IMPG1: variants seen among roughly 807,000 people sequenced by gnomAD.
IMPG1 encodes interphotoreceptor matrix proteoglycan of 150 kDa.
IMPG1 carries 85 observed loss-of-function variants against 92.0 expected under a neutral mutation model. The ratio of observed to expected loss-of-function variants is 0.92; its 90% CI spans 0.78 to 1.11. IMPG1 has a LOEUF of 1.11. Among genes scored for constraint, IMPG1 ranks in the 50% least tolerant of loss-of-function variants. The pLI is 0.00. For missense variants in IMPG1, 1,022 were observed against 956.0 expected, an observed-to-expected ratio of 1.07 and a Z score of -0.91; for synonymous variants, 367 against 334.1, an observed-to-expected ratio of 1.10 and a Z score of -1.08.
At chr6:76,071,249 G>A (rs1036690513) in intron 1 of IMPG1, among the ~76,000 whole-genome samples, 7 of 149,310 alleles carry the variant, frequency 4.7e-5, no homozygotes, top group Admixed American at 6.7e-5. Context: ...AGAAAAAATC[G>A]TTAAATTAAC....
chr6:76,024,616 A>T (rs893620717), intron 5 of IMPG1, among the ~76,000 whole-genome samples: 3 of 151,980 alleles, frequency 2.0e-5, no homozygotes, highest in African/African-American at 7.2e-5. Context: ...AAAATTTGGC[A>T]AAATTTATTA....
At chr6:76,023,410 A>C (rs78164725) in intron 5 of IMPG1, among the ~76,000 whole-genome samples, 1 of 152,250 alleles carries the variant, frequency 6.6e-6, no homozygotes, top group African/African-American at 2.4e-5. Context: ...CTAGAAGAAC[A>C]AATTTTTATT....
intron 15 of IMPG1, among the ~76,000 whole-genome samples, chr6:75,929,880 A>C (rs1226024898): frequency 6.6e-6 from 1 of 152,130 alleles, no homozygotes; most frequent in Non-Finnish European, 1.5e-5. Context: ...GTTGTCACAC[A>C]CAGGACCATT....
In IMPG1 at chr6:76,041,973, A is replaced by G. The variant is rs1476819267; in HGVS notation, c.221T>C (p.Phe74Ser). ...AKHRTKRSAF[F>S]PTGVKVCPQE... ...TGGACAGACTTTAACCCCCGTTGGG[A>G]AAAATGCGGATCTTTTTGTTCGATG... is the stretch of plus-strand genomic sequence containing the variant. The change falls in exon 2 of 17, where the codon TTC (phenylalanine) becomes TCC (serine). Residue 74 changes from phenylalanine to serine, a missense_variant. Physicochemically the swap from Phe to Ser is radical, Grantham distance 155. Coordinates refer to ENST00000369950, the MANE Select transcript of IMPG1 (RefSeq NM_001563.4). The G allele has an allele frequency of 9.3e-6, 15 of 1,613,932 alleles. No individual in the cohort carries two copies. Among genetic ancestry groups the G allele is most frequent in the Non-Finnish European group, 1.3e-5 (15 of 1,179,846 alleles).
chr6:76,009,527 TA>T (rs1783149966), intron 8 of IMPG1, among the ~76,000 whole-genome samples: 2 of 152,344 alleles, frequency 1.3e-5, no homozygotes, highest in South Asian at 2.1e-4. Context: ...TATTAATGGT[TA>T]CAATTTTGCC....
chr6:75,969,496 C>T (rs781090034), intron 12 of IMPG1, among the ~76,000 whole-genome samples: 1 of 152,084 alleles, frequency 6.6e-6, no homozygotes, highest in African/African-American at 2.4e-5. Context: ...AATCCTAGCA[C>T]TTTGAGAGGC....
chr6:76,041,137 T>C (rs535493567), intron 2 of IMPG1, among the ~76,000 whole-genome samples: 2 of 152,314 alleles, frequency 1.3e-5, no homozygotes, highest in South Asian at 2.1e-4. Context: ...TACCAAAGAT[T>C]TGTTTTTTTT....
chr6:75,979,437 A>G (rs1266135964), intron 12 of IMPG1, among the ~76,000 whole-genome samples: 2 of 152,208 alleles, frequency 1.3e-5, no homozygotes, highest in Non-Finnish European at 2.9e-5. Context: ...GTTGCACAGG[A>G]CAATGGCCCT....
chr6:75,973,299 C>G (rs994954408), intron 12 of IMPG1, among the ~76,000 whole-genome samples: 4 of 130,702 alleles, frequency 3.1e-5, no homozygotes, highest in Non-Finnish European at 5.0e-5. Context: ...CTTTCCCCCC[C>G]GCCCAAAACT....
chr6:75,972,025 G>A (rs1002839135), intron 12 of IMPG1, among the ~76,000 whole-genome samples: 3 of 152,094 alleles, frequency 2.0e-5, no homozygotes, highest in African/African-American at 7.2e-5. Flanking sequence ...TTGCATGACA[G>A]CTGTAATTTT....
Position 76,062,413 on chromosome 6 carries a change from A to G in IMPG1, c.67+10009T>C, listed in dbSNP as rs138614482. On this transcript the variant is annotated intron_variant, in intron 1 of 16. Transcript: ENST00000369950. ...AATTAGATGGCAATGTAGAACATTT[A>G]TATGACATAATAAAACTACAAAAAG... Among the ~76,000 whole-genome samples the G allele has an allele frequency of 2.9e-3, 447 of 152,346 alleles. 2 individuals carry two copies. Among genetic ancestry groups the G allele is most frequent in the Non-Finnish European group, 2.8e-3 (191 of 68,024 alleles).
chr6:75,988,569 A>G (rs916770185), intron 12 of IMPG1, among the ~76,000 whole-genome samples: 1 of 152,200 alleles, frequency 6.6e-6, no homozygotes, highest in Non-Finnish European at 1.5e-5. Flanking sequence ...CACTGAAAAT[A>G]TTCAGCCCCT....
intron 7 of IMPG1, among the ~76,000 whole-genome samples, chr6:76,018,047 C>A (rs1334924491): frequency 6.6e-6 from 1 of 152,274 alleles, no homozygotes; most frequent in South Asian, 2.1e-4. Context: ...TTGGCAAAAC[C>A]TACTAATTTT....
intron 12 of IMPG1, among the ~76,000 whole-genome samples, chr6:75,987,775 G>A (rs1033489063): frequency 6.6e-6 from 1 of 151,692 alleles, no homozygotes; most frequent in Non-Finnish European, 1.5e-5. Flanking sequence ...CTCCCGAGTA[G>A]CCGGGACTGC....
chr6:75,930,415 T>A (rs1296703886), intron 15 of IMPG1, among the ~76,000 whole-genome samples: 1 of 152,216 alleles, frequency 6.6e-6, no homozygotes, highest in Non-Finnish European at 1.5e-5. Context: ...TAACTGTTAA[T>A]GTGTGGAATT....
intron 15 of IMPG1, among the ~76,000 whole-genome samples, chr6:75,930,325 T>C (rs1427204978): frequency 6.6e-6 from 1 of 152,192 alleles, no homozygotes. Flanking sequence ...AAGAGGACTA[T>C]AAAACGAGAA....
intron 1 of IMPG1, among the ~76,000 whole-genome samples, chr6:76,064,370 C>CTT (rs10706748): frequency 1.5e-5 from 2 of 130,518 alleles, no homozygotes; most frequent in African/African-American, 5.7e-5. Flanking sequence ...ATTTTTTTTT[C>CTT]TTTTTTTTTT....
chr6:76,015,420 C>G (rs891597270), intron 7 of IMPG1, among the ~76,000 whole-genome samples: 2 of 152,144 alleles, frequency 1.3e-5, no homozygotes, highest in Admixed American at 1.3e-4. Flanking sequence ...CAAATGGAAC[C>G]AGCAGCACTG....
At chr6:76,003,411 T>C (rs1450581663) in intron 11 of IMPG1, among the ~76,000 whole-genome samples, 1 of 152,234 alleles carries the variant, frequency 6.6e-6, no homozygotes, top group Non-Finnish European at 1.5e-5. Context: ...ACTGAATTTA[T>C]TATTTACTTT....
Sources: allele counts gnomAD v4.1 joint callset (sites outside exome capture counted in the v4.1 genomes callset), GRCh38; gene constraint gnomAD v4.1.1; transcripts MANE v1.5; gene names NCBI Gene and HGNC (gene_info 2026-07-23, HGNC 2026-07-21).